The following PITPNM3 variants were observed in gnomAD, a reference collection of about 807,000 sequenced individuals.
PITPNM3 encodes the protein membrane-associated phosphatidylinositol transfer protein 3.
In PITPNM3, 26 loss-of-function variants were observed where a neutral mutation model predicts 102.0. That is an observed-to-expected ratio of 0.25 (90% CI 0.19 to 0.35). PITPNM3 has a LOEUF of 0.35. Ranked by LOEUF, PITPNM3 falls within the 10% of genes least tolerant of loss-of-function variation. PITPNM3 has a pLI of 1.00. For synonymous variants in PITPNM3, 578 were observed against 558.6 expected (o/e 1.03, Z -0.49); for missense variants, 1,083 against 1,346.1 (o/e 0.80, Z 3.06).
At chr17:6,540,926 T>C (rs1313206694) in intron 1 of PITPNM3, among the ~76,000 whole-genome samples, 1 of 152,208 alleles carries the variant, frequency 6.6e-6, no homozygotes, top group African/African-American at 2.4e-5. Flanking sequence ...CCCAAAGTGC[T>C]GGGATTACAG....
At position 6,472,093 on chromosome 17, in the gene PITPNM3, C is replaced by G. The variant is rs775667461; in HGVS notation, c.1429+564G>C. Among the ~76,000 whole-genome samples the G allele has an allele frequency of 2.0e-5, 3 of 152,220 alleles. No individual in the cohort carries two copies. In the East Asian group the frequency reaches 5.8e-4, roughly 29 times the overall value. ...TGCTGACTGTCCATTACAGGTCTCCCATCGACGATACACTCGGTCCATGCC... is the reference window on the plus strand; with the variant it reads ...TGCTGACTGTCCATTACAGGTCTCCGATCGACGATACACTCGGTCCATGCC... On this transcript the variant is annotated intron_variant, in intron 11 of 19. Coordinates refer to ENST00000262483, the MANE Select transcript of PITPNM3 (RefSeq NM_031220.4). This position sits in a 1 kb window ranked among gnomAD's most constrained non-coding sequence, Gnocchi z 4.1.
intron 6 of PITPNM3, among the ~76,000 whole-genome samples, chr17:6,482,618 C>T (rs1451697176): frequency 6.6e-6 from 1 of 152,116 alleles, no homozygotes; most frequent in Non-Finnish European, 1.5e-5. Context: ...GGCATGGTAT[C>T]GGTGTCAGAA....
At chr17:6,506,843 A>T (rs990348191) in intron 3 of PITPNM3, among the ~76,000 whole-genome samples, 1 of 152,186 alleles carries the variant, frequency 6.6e-6, no homozygotes, top group Non-Finnish European at 1.5e-5. Context: ...CCATGCTGTG[A>T]GTGACAGTTG....
intron 2 of PITPNM3, among the ~76,000 whole-genome samples, chr17:6,533,319 G>C (rs940204602): frequency 6.6e-6 from 1 of 152,178 alleles, no homozygotes; most frequent in Non-Finnish European, 1.5e-5. Context: ...TCTCATTGCA[G>C]TTTTGATTTA....
chr17:6,546,186 T>C (rs565279331), intron 1 of PITPNM3, among the ~76,000 whole-genome samples: 6 of 152,338 alleles, frequency 3.9e-5, no homozygotes, highest in South Asian at 2.1e-4. Flanking sequence ...TTGGTTGCTA[T>C]AGAAACATGT....
At chr17:6,534,471 A>C (rs1184179281) in intron 2 of PITPNM3, among the ~76,000 whole-genome samples, 1 of 152,174 alleles carries the variant, frequency 6.6e-6, no homozygotes, top group African/African-American at 2.4e-5. Flanking sequence ...TGCCAGGCCA[A>C]AGGGTTGGGG....
chr17:6,535,194 C>CCAGGGT (rs143350275), intron 2 of PITPNM3, among the ~76,000 whole-genome samples: 12,153 of 151,546 alleles, frequency 0.08, 1,372 homozygotes, highest in African/African-American at 0.26. Flanking sequence ...GAGACCACAC[C>CCAGGGT]CAGGGTCAGG....
intron 3 of PITPNM3, among the ~76,000 whole-genome samples, chr17:6,504,088 G>A (rs1321968672): frequency 6.6e-6 from 1 of 152,138 alleles, no homozygotes; most frequent in African/African-American, 2.4e-5. Context: ...AGAAGTCTGC[G>A]GCCCCTCCCA....
chr17:6,503,641 G>C (rs2150608613), intron 3 of PITPNM3, 67 bp from the exon 4 acceptor site: 1 of 1,547,742 alleles, frequency 6.5e-7, no homozygotes, highest in East Asian at 2.2e-5. Context: ...GTTTCCCAGG[G>C]AGGCTGCTTG....
Position 6,483,590 on chromosome 17 carries a change from C to A in PITPNM3, c.514G>T (p.Ala172Ser), listed in dbSNP as rs758814973. Residue 172 changes from alanine (A) to serine (S), a missense_variant, in exon 6 of 20, where the codon GCC (alanine) becomes TCC (serine). Ala to Ser is a moderately conservative substitution (Grantham distance 99, BLOSUM62 1). Around this residue, in one of 5 missense-constraint regions of PITPNM3, gnomAD observed 290 missense variants for 337.8 expected, o/e 0.86. Coordinates refer to ENST00000262483, the MANE Select transcript of PITPNM3 (RefSeq NM_031220.4). ...EKVTRAHFPA[A>S]LGHILIKFVP... is the part of the protein sequence containing the mutation. ...AACTTGATGAGGATGTGGCCCAGGG[C>A]AGCAGGGAAATGGGCTCGTGTGACC... 1.9e-6 allele frequency: 3 copies of A among 1,614,068 alleles called. No homozygotes were observed. The highest frequency in any genetic ancestry group is 1.7e-6 in the Non-Finnish European group (2 of 1,180,012).
In PITPNM3 at chr17:6,474,420, C is replaced by G. The variant is rs1175310409; in HGVS notation, c.1258+12G>C. On this transcript the variant is annotated intron_variant, in intron 10 of 19. Coordinates refer to ENST00000262483, the MANE Select transcript of PITPNM3 (RefSeq NM_031220.4). The stretch of plus-strand genomic sequence containing the variant: ...CACAGGCACCTCAGGCCCCAGCCCA[C>G]ACCATCCCTACCGTCCAGCCCAGGC... 6 of 1,612,668 alleles carry G rather than the reference C, an allele frequency of 3.7e-6. No homozygotes were observed. Among genetic ancestry groups the G allele is most frequent in the Non-Finnish European group, 5.1e-6 (6 of 1,179,748 alleles).
intron 3 of PITPNM3, among the ~76,000 whole-genome samples, chr17:6,523,630 T>G (rs1171403654): frequency 1.3e-5 from 2 of 152,206 alleles, no homozygotes; most frequent in Non-Finnish European, 2.9e-5. Context: ...TCCATATTTG[T>G]CTTTTCAAGG....
rs1222454423 is a variant in PITPNM3 at position 6,455,169 on chromosome 17, C to T, written c.*169G>A. The T allele has an allele frequency of 2.0e-5, 17 of 857,708 alleles. No homozygotes were observed. The highest frequency in any genetic ancestry group is 2.4e-5 in the Non-Finnish European group (14 of 593,962). 53.1% of individuals were successfully genotyped at this position (857,708 alleles called of 1,614,324 possible). A position where few individuals can be genotyped will look rare whatever the true frequency, so the allele number is the denominator to read the frequency against. Reference sequence around the variant, plus strand: ...CCTCACCCCGTCGCAGCTCAGGGAGCCCCCCGGGCTCGGGCAGGATCCCTC... The same window carrying T: ...CCTCACCCCGTCGCAGCTCAGGGAGTCCCCCGGGCTCGGGCAGGATCCCTC... On this transcript the variant is annotated 3_prime_UTR_variant, in exon 20 of 20. Transcript: ENST00000262483.
At chr17:6,460,216 G>A (rs1271130453) in intron 18 of PITPNM3, among the ~76,000 whole-genome samples, 4 of 152,176 alleles carry the variant, frequency 2.6e-5, no homozygotes, top group Non-Finnish European at 4.4e-5. Context: ...AGCCTGGAAC[G>A]TCCCAAGCTC....
rs745980538 is a variant in PITPNM3, at chr17:6,463,690, GC to G, written c.2306+41del. 582 of 1,602,838 alleles carry G rather than the reference GC, an allele frequency of 3.6e-4. 2 individuals are homozygous for G. The highest frequency in any genetic ancestry group is 4.2e-4 in the Non-Finnish European group (490 of 1,176,042). On this transcript the variant is annotated intron_variant, in intron 17 of 19. Transcript: ENST00000262483. ...ATTTCCCCCAGGGCTGCTGGCTCCTGCCCCCCAGGGAGATATAGCCCTCGTG... is the reference window on the plus strand; with the variant it reads ...ATTTCCCCCAGGGCTGCTGGCTCCTGCCCCCAGGGAGATATAGCCCTCGTG...
rs1913858880 is a variant in PITPNM3, at chr17:6,451,885, C to CCG, written c.*3452_*3453insCG. 3.3e-5 allele frequency: 1 copy of CCG among 30,418 alleles called. No individual in the cohort carries two copies. Among genetic ancestry groups the CCG allele is most frequent in the Non-Finnish European group, 7.1e-5 (1 of 14,092 alleles). 1.9% of individuals were successfully genotyped at this position (30,418 alleles called of 1,614,324 possible). A position where few individuals can be genotyped will look rare whatever the true frequency, so the allele number is the denominator to read the frequency against. ...ACTTGGCACCCAAACCCCCCCCCCC[C>CCG]GCCCGCCGATGGGATTCGGTGGGAA... On this transcript the variant is annotated 3_prime_UTR_variant, in exon 20 of 20. Transcript: ENST00000262483.
At chr17:6,553,281 T>G (rs955854048) in intron 1 of PITPNM3, among the ~76,000 whole-genome samples, 1 of 152,108 alleles carries the variant, frequency 6.6e-6, no homozygotes, top group African/African-American at 2.4e-5. Context: ...CCACCATAAA[T>G]GATGCCTTTC....
At position 6,469,159 on chromosome 17, in the gene PITPNM3, G is replaced by A. The variant is rs1904932331; in HGVS notation, c.1774-818C>T. Among the ~76,000 whole-genome samples, 3 of 152,152 alleles carry A rather than the reference G, an allele frequency of 2.0e-5. No homozygotes were observed. Among genetic ancestry groups the A allele is most frequent in the Admixed American group, 6.5e-5 (1 of 15,274 alleles). On this transcript the variant is annotated intron_variant, in intron 13 of 19. Transcript: ENST00000262483. This position sits in a 1 kb window ranked among gnomAD's most constrained non-coding sequence, Gnocchi z 4.0. Reference sequence around the variant, plus strand: ...TTCCCTCTCTGTAGGAGCACCCTTAGTCTGGCACTCATCGCCAGTTGTAAA... The same window carrying A: ...TTCCCTCTCTGTAGGAGCACCCTTAATCTGGCACTCATCGCCAGTTGTAAA...
At chr17:6,542,690 T>C (rs1909796583) in intron 1 of PITPNM3, among the ~76,000 whole-genome samples, 1 of 152,160 alleles carries the variant, frequency 6.6e-6, no homozygotes, top group African/African-American at 2.4e-5. Flanking sequence ...TCTAGCCCAC[T>C]GCCTGGCACT....
Sources: allele counts gnomAD v4.1 joint callset (sites outside exome capture counted in the v4.1 genomes callset), GRCh38; gene constraint gnomAD v4.1.1; regional missense constraint gnomAD v4.1.1; non-coding constraint Gnocchi (gnomAD v3.1); transcripts MANE v1.5; gene names NCBI Gene and HGNC (gene_info 2026-07-23, HGNC 2026-07-21).